KIAA1755: variants seen among roughly 807,000 people sequenced by gnomAD.
KIAA1755 encodes the protein KIAA1755, also known as uncharacterized protein KIAA1755.
In KIAA1755, 68 loss-of-function variants were observed where a neutral mutation model predicts 91.7. The ratio of observed to expected loss-of-function variants is 0.74; its 90% CI spans 0.61 to 0.91. The LOEUF (loss-of-function observed/expected upper bound fraction) is 0.91, where lower values mean the gene tolerates loss of function less well. Among genes scored for constraint, KIAA1755 ranks in the 40% least tolerant of loss-of-function variants. The probability of loss-of-function intolerance (pLI) is 0.00; values close to 1 mark genes in which losing one functional copy is unlikely to be tolerated. For synonymous variants in KIAA1755, 610 were observed against 604.6 expected (o/e 1.01, Z -0.13); for missense variants, 1,535 against 1,494.4 (o/e 1.03, Z -0.45).
rs761574275 is a variant in KIAA1755 at position 38,219,693 on chromosome 20, G to C, written c.2493C>G (p.Asn831Lys). Residue 831 changes from asparagine to lysine, a missense_variant, in exon 11 of 14, where the codon AAC becomes AAG. By Grantham distance (94) the Asn-to-Lys change is moderately conservative. Coordinates refer to ENST00000279024, the MANE Select transcript of KIAA1755 (RefSeq NM_001029864.2). ...EQLHVLVTAS[N>K]SLLGKLELRV... ...GGAGCTCCAGCTTCCCCAGGAGGCT[G>C]TTGGAAGCGGTGACCAGAACATGAA... 1 of 1,614,140 alleles carries C rather than the reference G, an allele frequency of 6.2e-7. No individual in the cohort carries two copies. Among genetic ancestry groups the C allele is most frequent in the Admixed American group, 1.7e-5 (1 of 60,034 alleles).
intron 1 of KIAA1755, 120 bp downstream of exon 1, chr20:38,260,378 C>T: frequency 6.3e-7 from 1 of 1,599,758 alleles, no homozygotes. Context: ...CCTGCCAAGG[C>T]ACTGAGGGTC....
chr20:38,218,984 T>G (rs1301021946), intron 11 of KIAA1755, among the ~76,000 whole-genome samples: 20 of 152,188 alleles, frequency 1.3e-4, no homozygotes. Flanking sequence ...TTAAAGAGCC[T>G]ATTCACTCAC....
intron 5 of KIAA1755, among the ~76,000 whole-genome samples, chr20:38,228,909 T>C (rs2075809236): frequency 6.6e-6 from 1 of 152,176 alleles, no homozygotes; most frequent in African/African-American, 2.4e-5. Context: ...TGCACTGAGC[T>C]TACAGTGGGC....
intron 11 of KIAA1755, among the ~76,000 whole-genome samples, chr20:38,219,247 C>A (rs2075610366): frequency 1.3e-5 from 2 of 152,286 alleles, no homozygotes; most frequent in South Asian, 4.1e-4. Flanking sequence ...CAGAATCAGA[C>A]CCCGAGATAT....
At chr20:38,228,262 G>A (rs1228161175) in intron 5 of KIAA1755, 22 bp from the exon 6 acceptor site, 3 of 1,573,190 alleles carry the variant, frequency 1.9e-6, no homozygotes, top group Non-Finnish European at 2.6e-6. Flanking sequence ...AAACAGAATT[G>A]ACAGTCTTGC....
intron 5 of KIAA1755, among the ~76,000 whole-genome samples, chr20:38,229,135 C>T (rs1432932410): frequency 6.6e-6 from 1 of 152,230 alleles, no homozygotes; most frequent in African/African-American, 2.4e-5. Flanking sequence ...TGCCCTCAAG[C>T]CTTACAACCA....
chr20:38,247,041 C>G (rs1388137695), intron 1 of KIAA1755, among the ~76,000 whole-genome samples: 1 of 152,252 alleles, frequency 6.6e-6, no homozygotes, highest in South Asian at 2.1e-4. Context: ...CAGCCCGTCC[C>G]CCTGGCAGTC....
intron 1 of KIAA1755, among the ~76,000 whole-genome samples, chr20:38,252,932 A>C (rs2076276900): frequency 6.6e-6 from 1 of 151,992 alleles, no homozygotes; most frequent in South Asian, 2.1e-4. Flanking sequence ...AACGCTAGCC[A>C]CTCTCATTCC....
chr20:38,218,303 T>A lies in KIAA1755; in HGVS notation c.2620A>T (p.Ser874Cys). 2 of 1,614,244 alleles carry A rather than the reference T, an allele frequency of 1.2e-6. No individual in the cohort carries two copies. Among genetic ancestry groups the A allele is most frequent in the South Asian group, 2.2e-5 (2 of 91,088 alleles). The change falls in exon 12 of 14, where the codon AGT becomes TGT. Residue 874 changes from serine (S) to cysteine (C), a missense_variant. Physicochemically the swap from Ser to Cys is moderately radical, Grantham distance 112 (BLOSUM62 -1). Coordinates refer to ENST00000279024, the MANE Select transcript of KIAA1755 (RefSeq NM_001029864.2). ...TGGGCTTTCTCCACTGTCTCCAAAC[T>A]TCCATCCTTGGGGGTCAGTGATTGC... Reference protein sequence around the residue: ...CLQSLTPKDGSLETVEKAHAE... With the variant: ...CLQSLTPKDGCLETVEKAHAE...
chr20:38,257,812 C>T (rs1042824296), intron 1 of KIAA1755, among the ~76,000 whole-genome samples: 23 of 152,110 alleles, frequency 1.5e-4, no homozygotes, highest in African/African-American at 2.9e-4. Context: ...AAACAGTCCT[C>T]GGGCTTGAAA....
Position 38,212,807 on chromosome 20 carries a change from G to T in KIAA1755, c.*235C>A. On this transcript the variant is annotated 3_prime_UTR_variant, in exon 14 of 14. Transcript: ENST00000279024. ...TGGAGCCAATCACACCATTTATTGTGCCCTGGTTCTGACGCCCACTCTTGC... is the reference window on the plus strand; with the variant it reads ...TGGAGCCAATCACACCATTTATTGTTCCCTGGTTCTGACGCCCACTCTTGC... The T allele has an allele frequency of 2.1e-6, 1 of 472,504 alleles. No homozygotes were observed. The highest frequency in any genetic ancestry group is 4.7e-5 in the South Asian group (1 of 21,078). The allele number at this position is 472,504 out of a possible 1,614,324, so 29.3% of individuals were successfully genotyped here.
At chr20:38,257,636 A>C (rs2076362425) in intron 1 of KIAA1755, among the ~76,000 whole-genome samples, 1 of 150,994 alleles carries the variant, frequency 6.6e-6, no homozygotes. Context: ...CAGGTGGCCC[A>C]CAAAACAATT....
Position 38,244,136 on chromosome 20 carries a change from ATGT to A in KIAA1755, c.201+1790_201+1792del, listed in dbSNP as rs139051441. Among the ~76,000 whole-genome samples the A allele has an allele frequency of 2.1e-3, 326 of 152,348 alleles. 4 individuals are homozygous for A. The East Asian group carries it at 0.043, about 20-fold the overall frequency. On this transcript the variant is annotated intron_variant, in intron 2 of 13. Transcript: ENST00000279024. ...TACAAGGAAAAATAAAGACGCGGAA[ATGT>A]TGTTACCTTGAGGAAGCGGCCAGTG...
chr20:38,222,645 T>C (rs369079311), intron 9 of KIAA1755, 48 bp from the exon 10 acceptor site: 17 of 1,594,308 alleles, frequency 1.1e-5, no homozygotes, highest in South Asian at 6.7e-5. Flanking sequence ...ACTCTCCCTC[T>C]GCAACCTTCC....
At chr20:38,253,058 C>A (rs1163498224) in intron 1 of KIAA1755, among the ~76,000 whole-genome samples, 1 of 136,212 alleles carries the variant, frequency 7.3e-6, no homozygotes, top group Non-Finnish European at 1.5e-5. Flanking sequence ...CCAGTGAACA[C>A]AGCCCGCAGC....
At chr20:38,229,081 C>T (rs935157663) in intron 5 of KIAA1755, among the ~76,000 whole-genome samples, 1 of 152,188 alleles carries the variant, frequency 6.6e-6, no homozygotes, top group African/African-American at 2.4e-5. Context: ...CAAGCACCCT[C>T]GGCCAGTCTA....
In KIAA1755 at chr20:38,213,273, G is replaced by T; in HGVS notation, c.3372C>A (p.Gly1124=). 1 of 1,613,638 alleles carries T rather than the reference G, an allele frequency of 6.2e-7. No individual in the cohort carries two copies. ...RGEQNRTFQA[G]SPPQEAGQAA... ...CCTGGCCAGCTTCCTGGGGTGGAGA[G>T]CCTGCCTGGAAAGTTCTGTTCTGTT... The change falls in exon 14 of 14, where the codon GGC becomes GGA. Residue 1124 remains glycine (G), a synonymous_variant. Transcript: ENST00000279024.
intron 8 of KIAA1755, chr20:38,225,400 CCT>C (rs575663947): frequency 1.3e-5 from 6 of 472,574 alleles, no homozygotes; most frequent in African/African-American, 6.1e-5. Context: ...ATTATTATCC[CCT>C]GTTTAGCTGA....
Position 38,213,015 on chromosome 20 carries a change from G to C in KIAA1755, c.*27C>G, listed in dbSNP as rs371285858. ...GGGCCCTGGCCCAGTGCTCCTGGAG[G>C]CTGGTGCGACTGAAGGGGCCTCTCA... is the stretch of plus-strand genomic sequence containing the variant. On this transcript the variant is annotated 3_prime_UTR_variant, in exon 14 of 14. Transcript: ENST00000279024. 138 of 1,510,650 alleles carry C rather than the reference G, an allele frequency of 9.1e-5. No individual in the cohort carries two copies. The African/African-American group carries it at 1.8e-3, about 20-fold the overall frequency. 93.6% of individuals were successfully genotyped at this position (1,510,650 alleles called of 1,614,324 possible).
Sources: allele counts gnomAD v4.1 joint callset (sites outside exome capture counted in the v4.1 genomes callset), GRCh38; gene constraint gnomAD v4.1.1; transcripts MANE v1.5; gene names NCBI Gene and HGNC (gene_info 2026-07-23, HGNC 2026-07-21).